HDAC4: variants seen among roughly 807,000 people sequenced by gnomAD.
HDAC4 encodes histone deacetylase 4, also known as histone deacetylase A.
Under a neutral mutation model 135.1 loss-of-function variants are expected in HDAC4, and 16 were observed. The ratio of observed to expected loss-of-function variants is 0.12; its 90% CI spans 0.08 to 0.18. The LOEUF is 0.18. HDAC4 is among the 10% of genes least tolerant of loss of function. HDAC4 has a pLI of 1.00. For synonymous variants in HDAC4, 685 were observed against 653.4 expected (o/e 1.05, Z -0.74); for missense variants, 1,143 against 1,511.8 (o/e 0.76, Z 4.05).
At chr2:239,247,183 C>T (rs7570903) in intron 2 of HDAC4, among the ~76,000 whole-genome samples, 26,067 of 152,216 alleles carry the variant, frequency 0.17, 3,318 homozygotes, top group East Asian at 0.38. Context: ...CCCGCACAGC[C>T]GGGCAAACCA....
chr2:239,121,465 C>G (rs1331916638), intron 12 of HDAC4, among the ~76,000 whole-genome samples: 1 of 152,248 alleles, frequency 6.6e-6, no homozygotes, highest in African/African-American at 2.4e-5. Flanking sequence ...TGCTGTGCAT[C>G]AGGAGACCTC....
At chr2:239,323,259 C>T (rs1220029789) in intron 2 of HDAC4, among the ~76,000 whole-genome samples, 1 of 152,014 alleles carries the variant, frequency 6.6e-6, no homozygotes, top group Non-Finnish European at 1.5e-5. Context: ...CATGGGGAGA[C>T]AAAGAGGGAA....
At chr2:239,291,926 ATCCC>A (rs1233298113) in intron 2 of HDAC4, among the ~76,000 whole-genome samples, 3 of 152,210 alleles carry the variant, frequency 2.0e-5, no homozygotes, top group Non-Finnish European at 4.4e-5. Flanking sequence ...GCTCCAGTGG[ATCCC>A]TCCTTTGTCT....
At chr2:239,334,050 C>A (rs1156262016) in intron 2 of HDAC4, among the ~76,000 whole-genome samples, 5 of 152,074 alleles carry the variant, frequency 3.3e-5, no homozygotes, top group Non-Finnish European at 5.9e-5. Flanking sequence ...CGTCCATAGA[C>A]AATATGCATT....
intron 3 of HDAC4, among the ~76,000 whole-genome samples, chr2:239,199,378 G>C (rs79675624): frequency 2.0e-5 from 3 of 152,106 alleles, no homozygotes; most frequent in South Asian, 2.1e-4. Context: ...AGAGCTCTTC[G>C]AGTCCCATCA....
chr2:239,078,544 C>A (rs1317915218), intron 22 of HDAC4, among the ~76,000 whole-genome samples: 1 of 151,916 alleles, frequency 6.6e-6, no homozygotes, highest in Non-Finnish European at 1.5e-5. Flanking sequence ...AAAAAAAAAA[C>A]CCTGAAACAA....
chr2:239,270,895 A>C (rs2050022947), intron 2 of HDAC4, among the ~76,000 whole-genome samples: 1 of 152,188 alleles, frequency 6.6e-6, no homozygotes, highest in African/African-American at 2.4e-5. Flanking sequence ...AGCTTTTGGC[A>C]AGGAAAATAC....
At chr2:239,271,641 A>T (rs1481877922) in intron 2 of HDAC4, among the ~76,000 whole-genome samples, 1 of 152,182 alleles carries the variant, frequency 6.6e-6, no homozygotes, top group Non-Finnish European at 1.5e-5. Flanking sequence ...TCCCCATGTT[A>T]CAGACACAAA....
chr2:239,397,360 A>G (rs771644968), intron 1 of HDAC4, among the ~76,000 whole-genome samples: 1 of 152,204 alleles, frequency 6.6e-6, no homozygotes, highest in Non-Finnish European at 1.5e-5. Flanking sequence ...CACGAGCCCC[A>G]AGCAGGTGCT....
At chr2:239,351,498 TC>T (rs1231366104) in intron 2 of HDAC4, among the ~76,000 whole-genome samples, 1 of 152,206 alleles carries the variant, frequency 6.6e-6, no homozygotes, top group Non-Finnish European at 1.5e-5. Flanking sequence ...GAGAGCCAGC[TC>T]CATTCAATGT....
intron 2 of HDAC4, among the ~76,000 whole-genome samples, chr2:239,257,492 T>G (rs982861557): frequency 6.6e-6 from 1 of 152,136 alleles, no homozygotes; most frequent in African/African-American, 2.4e-5. Flanking sequence ...TGACCGCCTC[T>G]TGCAGATATT....
At chr2:239,332,249 T>G (rs1282226261) in intron 2 of HDAC4, among the ~76,000 whole-genome samples, 1 of 152,226 alleles carries the variant, frequency 6.6e-6, no homozygotes, top group Non-Finnish European at 1.5e-5. Flanking sequence ...ATGATTAATT[T>G]GATTAAATGG....
chr2:239,121,000 C>CTT (rs34226161), intron 12 of HDAC4, among the ~76,000 whole-genome samples: 17,079 of 144,650 alleles, frequency 0.12, 3,324 homozygotes, highest in African/African-American at 0.4. Flanking sequence ...CTTTAAATTT[C>CTT]TTTTTTTTTT....
At chr2:239,367,621 T>C (rs1229050426) in intron 1 of HDAC4, among the ~76,000 whole-genome samples, 1 of 152,208 alleles carries the variant, frequency 6.6e-6, no homozygotes, top group Non-Finnish European at 1.5e-5. Flanking sequence ...TCAAAACTGT[T>C]TGGCGAACAA....
chr2:239,145,293 C>T (rs1054128774), intron 7 of HDAC4, among the ~76,000 whole-genome samples: 3 of 152,092 alleles, frequency 2.0e-5, no homozygotes, highest in South Asian at 2.1e-4. Flanking sequence ...ATCCCCACCC[C>T]GACCTGGGGA....
At chr2:239,326,711 T>G (rs1343836071) in intron 2 of HDAC4, among the ~76,000 whole-genome samples, 2 of 151,902 alleles carry the variant, frequency 1.3e-5, no homozygotes, top group East Asian at 3.9e-4. Flanking sequence ...AAGCAAGGAG[T>G]TGGAAGAAAA....
chr2:239,232,460 G>A (rs1207353961), intron 3 of HDAC4, among the ~76,000 whole-genome samples: 1 of 152,178 alleles, frequency 6.6e-6, no homozygotes, highest in Non-Finnish European at 1.5e-5. Flanking sequence ...AGAACCGGGG[G>A]TCACGAGCTC....
chr2:239,208,150 G>A (rs531604922), intron 3 of HDAC4, among the ~76,000 whole-genome samples: 25 of 150,056 alleles, frequency 1.7e-4, no homozygotes, highest in South Asian at 4.2e-4. Context: ...GTGAAACCCC[G>A]TCCCTACTAA....
chr2:239,096,529 A>T (rs2037079935), intron 16 of HDAC4, among the ~76,000 whole-genome samples: 1 of 49,782 alleles, frequency 2.0e-5, no homozygotes, highest in Non-Finnish European at 3.6e-5. Context: ...CATGGACGCC[A>T]GTACCCCCCA....
Sources: allele counts gnomAD v4.1 joint callset (sites outside exome capture counted in the v4.1 genomes callset), GRCh38; gene constraint gnomAD v4.1.1; transcripts MANE v1.5; gene names NCBI Gene and HGNC (gene_info 2026-07-23, HGNC 2026-07-21).